Variants in EML1 observed in about 807,000 individuals in gnomAD.
EML1 encodes EMAP like 1.
EML1 carries 27 observed loss-of-function variants against 110.4 expected under a neutral mutation model. That is an observed-to-expected ratio of 0.24 (90% CI 0.18 to 0.34). The LOEUF (loss-of-function observed/expected upper bound fraction) is 0.34, where lower values mean the gene tolerates loss of function less well. EML1 is among the 10% of genes least tolerant of loss of function. EML1 has a pLI of 1.00. For synonymous variants in EML1, 344 were observed against 385.8 expected, an observed-to-expected ratio of 0.89 and a Z score of 1.27; for missense variants, 741 against 1,030.9, an observed-to-expected ratio of 0.72 and a Z score of 3.85.
intron 9 of EML1, chr14:99,907,389 GC>G (rs905404133): frequency 4.2e-5 from 19 of 453,582 alleles, no homozygotes; most frequent in African/African-American, 3.6e-4. Flanking sequence ...GATTGCTTGA[GC>G]CTGGGAGGTC....
In EML1 at chr14:99,776,876, A is replaced by G. The variant is rs571473660; in HGVS notation, c.-27+2863A>G. 6.6e-5 allele frequency among the ~76,000 whole-genome samples: 10 copies of G among 152,350 alleles called. No homozygotes were observed. In the South Asian group the frequency reaches 1.9e-3, roughly 28 times the overall value. On this transcript the variant is annotated intron_variant, in intron 1 of 22. Transcript: ENST00000327921. ...GGATTTTTTTCCTGATGGATTTATCATAGGAAAACTTTAAATCATGAGCTT... is the reference window on the plus strand; with the variant it reads ...GGATTTTTTTCCTGATGGATTTATCGTAGGAAAACTTTAAATCATGAGCTT...
At chr14:99,772,169 T>A (rs904658300), upstream of EML1, among the ~76,000 whole-genome samples, 2 of 152,232 alleles carry the variant, frequency 1.3e-5, no homozygotes, top group African/African-American at 4.8e-5. Context: ...GATGTTTTTG[T>A]TTCAGCAGAC....
chr14:99,927,831 G>A (rs1489008915), intron 17 of EML1, among the ~76,000 whole-genome samples: 6 of 56,000 alleles, frequency 1.1e-4, no homozygotes, highest in African/African-American at 4.9e-4. Flanking sequence ...GGTGGTGGTG[G>A]TATTGGTGGT....
At chr14:99,923,165 C>T (rs938586765) in intron 17 of EML1, among the ~76,000 whole-genome samples, 2 of 152,194 alleles carry the variant, frequency 1.3e-5, no homozygotes, top group African/African-American at 4.8e-5. Context: ...TGGTCTTGAA[C>T]TCCTGGGCCC....
chr14:99,818,198 A>G (rs2139736048), intron 1 of EML1, among the ~76,000 whole-genome samples: 2 of 152,306 alleles, frequency 1.3e-5, no homozygotes, highest in Middle Eastern at 3.4e-3. Flanking sequence ...ACAGGAGTTT[A>G]GCAGGGATGT....
At chr14:99,739,348 C>G (rs1286799076) in intron 1 of EML1, among the ~76,000 whole-genome samples, 1 of 152,122 alleles carries the variant, frequency 6.6e-6, no homozygotes. Context: ...GGGACATGGC[C>G]CTGGTTTTAG....
intron 1 of EML1, among the ~76,000 whole-genome samples, chr14:99,745,124 T>G (rs1327235859): frequency 6.6e-6 from 1 of 152,168 alleles, no homozygotes; most frequent in Non-Finnish European, 1.5e-5. Flanking sequence ...TTGAGTGCAG[T>G]GGCACATCTC....
chr14:99,778,198 C>T (rs1357114625), intron 1 of EML1, among the ~76,000 whole-genome samples: 1 of 152,234 alleles, frequency 6.6e-6, no homozygotes, highest in Non-Finnish European at 1.5e-5. Context: ...CATGTGGATA[C>T]ATACCCTTCC....
At chr14:99,914,066 T>C (rs2059991762) in intron 13 of EML1, 113 bp from the exon 14 acceptor site, 6 of 1,252,482 alleles carry the variant, frequency 4.8e-6, no homozygotes, top group Non-Finnish European at 6.6e-6. Flanking sequence ...TATATACATA[T>C]GTGTATATAA....
chr14:99,862,464 C>T (rs555741922), intron 2 of EML1, among the ~76,000 whole-genome samples: 1 of 152,262 alleles, frequency 6.6e-6, no homozygotes, highest in East Asian at 1.9e-4. Flanking sequence ...GTGGGGTAGC[C>T]ACATAAATTA....
At chr14:99,872,039 C>A (rs2059214343) in intron 3 of EML1, among the ~76,000 whole-genome samples, 1 of 152,180 alleles carries the variant, frequency 6.6e-6, no homozygotes, top group South Asian at 2.1e-4. Flanking sequence ...GCTTGCAAAT[C>A]ATCCTTCTTT....
chr14:99,866,358 G>A (rs2059099213), intron 3 of EML1, among the ~76,000 whole-genome samples: 1 of 152,040 alleles, frequency 6.6e-6, no homozygotes, highest in African/African-American at 2.4e-5. Flanking sequence ...ATCATCTGTG[G>A]TCAGGAGTTC....
In EML1 at chr14:99,937,218, T is replaced by C. The variant is rs888408421; in HGVS notation, c.2096-599T>C. On this transcript the variant is annotated intron_variant, in intron 19 of 21. Transcript: ENST00000262233. ...TGTACCGAGACTGAGCTCGCTCCAGTGCGGAGGGCGGCCGCACCGTCTCAC... is the reference window on the plus strand; with the variant it reads ...TGTACCGAGACTGAGCTCGCTCCAGCGCGGAGGGCGGCCGCACCGTCTCAC... 1.1e-4 allele frequency among the ~76,000 whole-genome samples: 16 copies of C among 152,198 alleles called. 1 individual carries two copies. The highest frequency in any genetic ancestry group is 3.9e-4 in the African/African-American group (16 of 41,536).
At chr14:99,844,285 C>T (rs2058674699) in intron 1 of EML1, among the ~76,000 whole-genome samples, 1 of 152,246 alleles carries the variant, frequency 6.6e-6, no homozygotes, top group African/African-American at 2.4e-5. Flanking sequence ...TCAAGACCAA[C>T]CTGGCCCACA....
chr14:99,859,072 A>G (rs750382667), intron 2 of EML1, among the ~76,000 whole-genome samples: 1 of 152,232 alleles, frequency 6.6e-6, no homozygotes, highest in Non-Finnish European at 1.5e-5. Flanking sequence ...AGATTTATTC[A>G]TATCAACTGT....
At chr14:99,864,862 C>T (rs913942306) in intron 2 of EML1, among the ~76,000 whole-genome samples, 2 of 150,414 alleles carry the variant, frequency 1.3e-5, no homozygotes, top group African/African-American at 2.4e-5. Flanking sequence ...TGCCTTCATA[C>T]CTTTGTCAGT....
chr14:99,762,457 T>C (rs1247793658), intron 1 of EML1, among the ~76,000 whole-genome samples: 1 of 152,164 alleles, frequency 6.6e-6, no homozygotes, highest in Non-Finnish European at 1.5e-5. Flanking sequence ...GGATTAGCTT[T>C]TGCTTGCTTG....
At chr14:99,807,859 A>T (rs914987270) in intron 1 of EML1, among the ~76,000 whole-genome samples, 1 of 152,154 alleles carries the variant, frequency 6.6e-6, no homozygotes, top group African/African-American at 2.4e-5. Context: ...GGGTTGACTT[A>T]TCCTCATTCC....
At chr14:99,865,262 C>T (rs923563498) in intron 2 of EML1, among the ~76,000 whole-genome samples, 3 of 152,134 alleles carry the variant, frequency 2.0e-5, no homozygotes, top group South Asian at 2.1e-4. Context: ...CTAGATCCCT[C>T]GCATGCACAG....
Sources: gnomAD v4.1 joint callset for allele counts (sites outside exome capture counted in the v4.1 genomes callset) on GRCh38, gnomAD v4.1.1 for gene constraint, MANE v1.5 for transcripts, NCBI Gene and HGNC (gene_info 2026-07-23, HGNC 2026-07-21) for gene names.